The following MTUS2 variants were observed in gnomAD, a reference collection of about 807,000 sequenced individuals.
The protein encoded by MTUS2 is microtubule-associated tumor suppressor candidate 2.
Under a neutral mutation model 114.1 loss-of-function variants are expected in MTUS2, and 40 were observed. That is an observed-to-expected ratio of 0.35 (90% confidence interval 0.27 to 0.46). The LOEUF is 0.46. MTUS2 is among the 20% of genes least tolerant of loss of function. MTUS2 has a pLI of 1.00. For missense variants in MTUS2, 1,679 were observed against 1,705.4 expected, an observed-to-expected ratio of 0.98 and a Z score of 0.27; for synonymous variants, 688 against 672.0, an observed-to-expected ratio of 1.02 and a Z score of -0.37.
At chr13:29,149,399 A>G (rs761614723) in intron 5 of MTUS2, among the ~76,000 whole-genome samples, 5 of 152,128 alleles carry the variant, frequency 3.3e-5, no homozygotes, top group Non-Finnish European at 5.9e-5. Flanking sequence ...AATTTGTTTA[A>G]GTTCCTTGTA....
At chr13:29,204,297 C>T (rs555389318) in intron 5 of MTUS2, among the ~76,000 whole-genome samples, 1 of 152,304 alleles carries the variant, frequency 6.6e-6, no homozygotes, top group East Asian at 1.9e-4. Context: ...TTGCCAGCCA[C>T]CCTACCTTTT....
intron 5 of MTUS2, among the ~76,000 whole-genome samples, chr13:29,218,134 CCAAAA>C (rs775030220): frequency 3.3e-5 from 5 of 151,390 alleles, no homozygotes; most frequent in Admixed American, 6.6e-5. Context: ...CAAAACCAAA[CCAAAA>C]CAAAACAAAA....
rs1566163784 is a variant in MTUS2, at chr13:29,375,626, TATATATATATATACACAC to T, written c.3117+16155_3117+16172del. ...ATATATACGTATATATATATATATA[TATATATATATATACACAC>T]ACCATGAAATACCACTCAGCTATAA... On this transcript the variant is annotated intron_variant, in intron 8 of 15. Transcript: ENST00000612955. 1.5e-3 allele frequency among the ~76,000 whole-genome samples: 10 copies of T among 6,678 alleles called. 3 individuals carry two copies. The Admixed American group carries it at 0.017, about 11-fold the overall frequency. 4.4% of individuals were successfully genotyped at this position (6,678 alleles called of 152,430 possible). A position where few individuals can be genotyped will look rare whatever the true frequency, so the allele number is the denominator to read the frequency against.
chr13:29,217,928 G>A (rs1895745449), intron 5 of MTUS2, among the ~76,000 whole-genome samples: 1 of 152,058 alleles, frequency 6.6e-6, no homozygotes, highest in Middle Eastern at 3.2e-3. Flanking sequence ...GACCAGCCTG[G>A]GCAACATAAT....
At chr13:29,222,645 G>A (rs1043715300) in intron 5 of MTUS2, among the ~76,000 whole-genome samples, 5 of 152,222 alleles carry the variant, frequency 3.3e-5, no homozygotes, top group Non-Finnish European at 7.3e-5. Flanking sequence ...GAACGGGTGA[G>A]AACCCCACCC....
At chr13:29,015,749 A>C (rs751349957) in intron 2 of MTUS2, among the ~76,000 whole-genome samples, 9 of 152,226 alleles carry the variant, frequency 5.9e-5, no homozygotes, top group Non-Finnish European at 1.3e-4. Context: ...AAACATGATG[A>C]AGTATTTATT....
chr13:29,454,907 C>T (rs1407460870), intron 9 of MTUS2, among the ~76,000 whole-genome samples: 1 of 152,186 alleles, frequency 6.6e-6, no homozygotes, highest in East Asian at 1.9e-4. Flanking sequence ...AATAGCATAA[C>T]TGTTACTGGA....
intron 8 of MTUS2, among the ~76,000 whole-genome samples, chr13:29,390,955 G>C (rs1873405145): frequency 1.3e-5 from 2 of 152,014 alleles, no homozygotes; most frequent in African/African-American, 4.8e-5. Context: ...GCTAATTATT[G>C]TATTTTTAGT....
intron 5 of MTUS2, among the ~76,000 whole-genome samples, chr13:29,102,091 T>C (rs1490012562): frequency 6.6e-6 from 1 of 152,220 alleles, no homozygotes; most frequent in African/African-American, 2.4e-5. Flanking sequence ...GGAATATCAC[T>C]GTAATTAGTG....
At chr13:28,940,369 T>C (rs943351849) in intron 2 of MTUS2, among the ~76,000 whole-genome samples, 4 of 152,200 alleles carry the variant, frequency 2.6e-5, no homozygotes, top group Admixed American at 6.6e-5. Flanking sequence ...AAATAAAAGG[T>C]CACATATTGT....
intron 7 of MTUS2, among the ~76,000 whole-genome samples, chr13:29,337,311 G>A (rs953107665): frequency 6.6e-6 from 1 of 152,204 alleles, no homozygotes; most frequent in Non-Finnish European, 1.5e-5. Context: ...TCTGTGGGTT[G>A]TGAAGACCAT....
At chr13:29,293,404 T>C (rs1228737969) in intron 6 of MTUS2, among the ~76,000 whole-genome samples, 1 of 152,164 alleles carries the variant, frequency 6.6e-6, no homozygotes, top group Non-Finnish European at 1.5e-5. Flanking sequence ...GATACAGTCT[T>C]TTTAATACTG....
At chr13:28,892,594 T>C (rs73437232) in intron 2 of MTUS2, among the ~76,000 whole-genome samples, 3,540 of 152,312 alleles carry the variant, frequency 0.023, 137 homozygotes, top group African/African-American at 0.08. Flanking sequence ...TCTGGGTTCA[T>C]TGAGTGCATT....
intron 2 of MTUS2, among the ~76,000 whole-genome samples, chr13:28,874,937 C>T (rs1877843433): frequency 6.6e-6 from 1 of 152,174 alleles, no homozygotes; most frequent in Admixed American, 6.5e-5. Flanking sequence ...GTAGGATCTC[C>T]TACACCAGTC....
chr13:29,054,522 C>T (rs1474939254), intron 4 of MTUS2, among the ~76,000 whole-genome samples: 2 of 151,928 alleles, frequency 1.3e-5, no homozygotes, highest in African/African-American at 4.8e-5. Context: ...GCTGGAGAGA[C>T]AGGGGGAGTT....
At chr13:28,823,993 C>CT (rs948469724) in intron 1 of MTUS2, among the ~76,000 whole-genome samples, 2 of 152,148 alleles carry the variant, frequency 1.3e-5, no homozygotes, top group Non-Finnish European at 2.9e-5. Context: ...TACCTCCCAC[C>CT]TAGTCCCTCT....
chr13:28,964,137 G>T (rs1344559279), intron 2 of MTUS2, among the ~76,000 whole-genome samples: 1 of 152,058 alleles, frequency 6.6e-6, no homozygotes, highest in Non-Finnish European at 1.5e-5. Flanking sequence ...GTCTAATAGG[G>T]GTCTCAGAAT....
At chr13:29,188,484 T>C (rs1435303713) in intron 5 of MTUS2, among the ~76,000 whole-genome samples, 4 of 152,188 alleles carry the variant, frequency 2.6e-5, no homozygotes, top group African/African-American at 4.8e-5. Context: ...AGCACCATAT[T>C]CAAATGTTTG....
At chr13:29,207,857 T>C (rs2139267974) in intron 5 of MTUS2, among the ~76,000 whole-genome samples, 1 of 152,276 alleles carries the variant, frequency 6.6e-6, no homozygotes, top group African/African-American at 2.4e-5. Flanking sequence ...GCATCTATGT[T>C]CATTATGGAG....
Sources: gnomAD v4.1 joint callset for allele counts (sites outside exome capture counted in the v4.1 genomes callset) on GRCh38, gnomAD v4.1.1 for gene constraint, MANE v1.5 for transcripts, NCBI Gene and HGNC (gene_info 2026-07-23, HGNC 2026-07-21) for gene names.